Variants in LNP1 observed in about 807,000 individuals in gnomAD.
The protein encoded by LNP1 is leukemia NUP98 fusion partner 1.
A neutral mutation model predicts 14.5 loss-of-function variants in LNP1; 12 were observed. The observed-to-expected ratio is 0.83, with a 90% CI of 0.53 to 1.34. The LOEUF is 1.34. LNP1 is among the 40% of genes most tolerant of loss of function. The pLI is 0.00. For missense variants in LNP1, 198 were observed against 210.9 expected (o/e 0.94, Z 0.38); for synonymous variants, 75 against 71.4 (o/e 1.05, Z -0.26).
At chr3:100,420,297 C>T (rs1239279032) in intron 1 of LNP1, among the ~76,000 whole-genome samples, 1 of 152,006 alleles carries the variant, frequency 6.6e-6, no homozygotes, top group Non-Finnish European at 1.5e-5. Flanking sequence ...TCTTTGCCTG[C>T]CTGCCTTCCT....
chr3:100,445,257 C>T (rs570804476), intron 2 of LNP1, among the ~76,000 whole-genome samples: 6 of 152,154 alleles, frequency 3.9e-5, no homozygotes, highest in South Asian at 4.2e-4. Context: ...GTAGACAGGG[C>T]GAGACTCTCT....
intron 1 of LNP1, among the ~76,000 whole-genome samples, chr3:100,416,983 G>A (rs1031235735): frequency 3.3e-5 from 5 of 151,944 alleles, no homozygotes; most frequent in Non-Finnish European, 7.4e-5. Context: ...GATTTTGCTA[G>A]GTATAAAATT....
chr3:100,433,116 G>T (rs1381497894), intron 2 of LNP1, among the ~76,000 whole-genome samples: 1 of 152,154 alleles, frequency 6.6e-6, no homozygotes, highest in African/African-American at 2.4e-5. Context: ...TGTTACATGG[G>T]TGTACATGTG....
intron 1 of LNP1, among the ~76,000 whole-genome samples, chr3:100,402,723 G>A (rs1396704435): frequency 1.3e-5 from 2 of 151,808 alleles, no homozygotes; most frequent in Non-Finnish European, 2.9e-5. Flanking sequence ...AAACTTGATA[G>A]GAACTAAAAC....
intron 1 of LNP1, among the ~76,000 whole-genome samples, chr3:100,403,612 T>C (rs1395397071): frequency 6.6e-6 from 1 of 152,186 alleles, no homozygotes; most frequent in East Asian, 1.9e-4. Context: ...TATAGGCGGC[T>C]GCTACCATGC....
chr3:100,455,595 CTT>C (rs1707502395), intron 3 of LNP1, among the ~76,000 whole-genome samples, 180 bp from the exon 4 acceptor site: 1 of 152,180 alleles, frequency 6.6e-6, no homozygotes. Context: ...CCCCTCTATT[CTT>C]TTCTTTGTGA....
At chr3:100,419,603 C>T (rs926004167) in intron 1 of LNP1, among the ~76,000 whole-genome samples, 2 of 152,158 alleles carry the variant, frequency 1.3e-5, no homozygotes, top group African/African-American at 4.8e-5. Context: ...CAGAAAGCTT[C>T]CTCAAACTAA....
chr3:100,429,885 A>T lies in LNP1; in HGVS notation c.156A>T (p.Pro52=). 1 of 1,612,558 alleles carries T rather than the reference A, an allele frequency of 6.2e-7. No homozygotes were observed. Among genetic ancestry groups the T allele is most frequent in the Non-Finnish European group, 8.5e-7 (1 of 1,179,332 alleles). The change falls in exon 2 of 4, where the codon CCA becomes CCT. Residue 52 remains proline (P), a splice_region_variant and synonymous_variant. Transcript: ENST00000383693. The part of the protein sequence containing the change: ...TSHRKTSLPC[P]LPVLPRIPSS... ...ACAGGAAAACCTCCCTGCCCTGCCC[A>T]GTGAGTGATTGTCATGGAACCGGAG...
chr3:100,437,644 T>C (rs1193520553), intron 2 of LNP1, among the ~76,000 whole-genome samples: 1 of 152,230 alleles, frequency 6.6e-6, no homozygotes, highest in Admixed American at 6.5e-5. Context: ...CACTCATTTG[T>C]AGTCCTCTTG....
chr3:100,416,216 G>C (rs1178885389), intron 1 of LNP1, among the ~76,000 whole-genome samples: 1 of 152,038 alleles, frequency 6.6e-6, no homozygotes, highest in Non-Finnish European at 1.5e-5. Flanking sequence ...TTTATTAGTT[G>C]GAATATTTTT....
intron 1 of LNP1, among the ~76,000 whole-genome samples, chr3:100,424,944 G>A (rs1313882317): frequency 6.6e-6 from 1 of 152,210 alleles, no homozygotes; most frequent in Non-Finnish European, 1.5e-5. Context: ...AATCCCATTA[G>A]CTATAAAGGT....
chr3:100,417,371 C>CTTT lies in LNP1; in HGVS notation c.-33-12306_-33-12304dup, dbSNP rs562000656. 5.5e-3 allele frequency among the ~76,000 whole-genome samples: 355 copies of CTTT among 64,620 alleles called. 64 individuals carry two copies. The highest frequency in any genetic ancestry group is 0.017 in the African/African-American group (292 of 17,422). The allele number at this position is 64,620 out of a possible 152,430, so 42.4% of individuals were successfully genotyped here. ...CTTTTTCTTTCTTTCTTTCTTTTTT[C>CTTT]TTTTTTTTTTTTTTTTTTTTTTCGA... On this transcript the variant is annotated intron_variant, in intron 1 of 3. Transcript: ENST00000383693.
At chr3:100,405,289 C>A (rs189216062) in intron 1 of LNP1, among the ~76,000 whole-genome samples, 63 of 152,262 alleles carry the variant, frequency 4.1e-4, no homozygotes, top group African/African-American at 1.4e-3. Flanking sequence ...GTTGTAATAT[C>A]TTTCTTATAG....
chr3:100,426,470 A>G (rs751675839), intron 1 of LNP1, among the ~76,000 whole-genome samples: 6 of 152,222 alleles, frequency 3.9e-5, no homozygotes, highest in Non-Finnish European at 7.3e-5. Context: ...TCCAAGTCCA[A>G]TTGACAAGAA....
At chr3:100,425,490 C>T (rs1235328923) in intron 1 of LNP1, among the ~76,000 whole-genome samples, 1 of 152,194 alleles carries the variant, frequency 6.6e-6, no homozygotes, top group Non-Finnish European at 1.5e-5. Context: ...AAAGGGATCA[C>T]TGGTGTTCAG....
At chr3:100,442,579 T>G (rs865999037) in intron 2 of LNP1, among the ~76,000 whole-genome samples, 1 of 152,150 alleles carries the variant, frequency 6.6e-6, no homozygotes, top group Non-Finnish European at 1.5e-5. Context: ...AGACAAATGG[T>G]TGCATTCTTT....
chr3:100,452,202 CTT>C (rs1321009854), intron 3 of LNP1, among the ~76,000 whole-genome samples: 37 of 129,240 alleles, frequency 2.9e-4, no homozygotes, highest in Admixed American at 4.7e-4. Flanking sequence ...GTTTTTCTTT[CTT>C]TTTTTTTTTT....
intron 1 of LNP1, among the ~76,000 whole-genome samples, chr3:100,426,496 T>C (rs1707194037): frequency 6.6e-6 from 1 of 152,240 alleles, no homozygotes; most frequent in South Asian, 2.1e-4. Flanking sequence ...TTCTAAGCCC[T>C]GTTTACACGG....
At chr3:100,434,384 G>A (rs1472772171) in intron 2 of LNP1, among the ~76,000 whole-genome samples, 1 of 151,946 alleles carries the variant, frequency 6.6e-6, no homozygotes, top group South Asian at 2.1e-4. Context: ...ATATAAGTGT[G>A]GTCTTATTTC....
Sources: allele counts gnomAD v4.1 joint callset (sites outside exome capture counted in the v4.1 genomes callset), GRCh38; gene constraint gnomAD v4.1.1; transcripts MANE v1.5; gene names NCBI Gene and HGNC (gene_info 2026-07-23, HGNC 2026-07-21).